NPHP4: variants seen among roughly 807,000 people sequenced by gnomAD.
NPHP4 encodes the protein nephrocystin 4.
A neutral mutation model predicts 155.8 loss-of-function variants in NPHP4; 151 were observed. That is an observed-to-expected ratio of 0.97 (90% CI 0.85 to 1.11). NPHP4 has a LOEUF of 1.11. NPHP4 is among the 50% of genes least tolerant of loss of function. The pLI is 0.00. For missense variants in NPHP4, 1,956 were observed against 1,925.7 expected (o/e 1.02, Z -0.29); for synonymous variants, 845 against 816.8 (o/e 1.03, Z -0.59).
intron 11 of NPHP4, among the ~76,000 whole-genome samples, chr1:5,922,311 G>A (rs1447951013): frequency 6.6e-6 from 1 of 152,212 alleles, no homozygotes; most frequent in Non-Finnish European, 1.5e-5. Flanking sequence ...AGGATAATAA[G>A]CTCCTGTTGC....
Position 5,867,223 on chromosome 1 carries a change from T to A in NPHP4, c.3473-108A>T. Reference sequence around the variant, plus strand: ...GACAGGACAGGCTCGTCACAGGTGCTCAGCAAGACACCTGCTGGGGAAACG... The same window carrying A: ...GACAGGACAGGCTCGTCACAGGTGCACAGCAAGACACCTGCTGGGGAAACG... On this transcript the variant is annotated intron_variant, in intron 24 of 29. Coordinates refer to ENST00000378156, the MANE Select transcript of NPHP4 (RefSeq NM_015102.5). This position sits in a 1 kb window ranked among gnomAD's most constrained non-coding sequence, Gnocchi z 4.1. The A allele has an allele frequency of 2.5e-6, 2 of 786,546 alleles. No individual in the cohort carries two copies. Among genetic ancestry groups the A allele is most frequent in the Non-Finnish European group, 4.1e-6 (2 of 482,136 alleles). 48.7% of individuals were successfully genotyped at this position (786,546 alleles called of 1,614,324 possible). A position where few individuals can be genotyped will look rare whatever the true frequency, so the allele number is the denominator to read the frequency against.
Position 5,892,850 on chromosome 1 carries a change from C to A in NPHP4, c.2144-1822G>T, listed in dbSNP as rs1644203770. Among the ~76,000 whole-genome samples, 2 of 152,124 alleles carry A rather than the reference C, an allele frequency of 1.3e-5. No homozygotes were observed. Among genetic ancestry groups the A allele is most frequent in the Non-Finnish European group, 2.9e-5 (2 of 68,010 alleles). ...TAAGAAGACTCCCAGGGGCAGTGGC[C>A]CTGTCCTCCCCAAGCCCACCTCCTG... On this transcript the variant is annotated intron_variant, in intron 16 of 29. Coordinates refer to ENST00000378156, the MANE Select transcript of NPHP4 (RefSeq NM_015102.5). The surrounding 1 kb of genome is among the most constrained non-coding windows in gnomAD (Gnocchi z 4.5).
intron 12 of NPHP4, 98 bp downstream of exon 12, chr1:5,909,054 C>G: frequency 4.9e-6 from 5 of 1,024,826 alleles, no homozygotes; most frequent in Non-Finnish European, 7.5e-6. Context: ...CACGCAGAAG[C>G]ACGCAGGGAT....
intron 1 of NPHP4, among the ~76,000 whole-genome samples, chr1:5,987,091 C>A (rs929572633): frequency 9.2e-5 from 14 of 152,142 alleles, no homozygotes; most frequent in Admixed American, 3.9e-4. Flanking sequence ...CTCAGTTGGT[C>A]ACCCCACGAC....
chr1:5,920,504 C>T (rs558333236), intron 11 of NPHP4, among the ~76,000 whole-genome samples: 19 of 152,254 alleles, frequency 1.2e-4, no homozygotes, highest in Admixed American at 2.6e-4. Context: ...CTTCCCTCAA[C>T]GCTGCCAACC....
At position 5,890,780 on chromosome 1, in the gene NPHP4, T is replaced by C. The variant is rs1644080646; in HGVS notation, c.2304+88A>G. The C allele has an allele frequency of 1.5e-6, 2 of 1,330,590 alleles. No homozygotes were observed. The highest frequency in any genetic ancestry group is 4.2e-4 in the Middle Eastern group (2 of 4,740). The allele number at this position is 1,330,590 out of a possible 1,614,324, so 82.4% of individuals were successfully genotyped here. ...AAGTCCTGTGCGGGATAGCGCCCGCTCCTTCCAAGCAGACAGACGCTGGAA... is the reference window on the plus strand; with the variant it reads ...AAGTCCTGTGCGGGATAGCGCCCGCCCCTTCCAAGCAGACAGACGCTGGAA... On this transcript the variant is annotated intron_variant, in intron 17 of 29. Coordinates refer to ENST00000378156, the MANE Select transcript of NPHP4 (RefSeq NM_015102.5). This position sits in a 1 kb window ranked among gnomAD's most constrained non-coding sequence, Gnocchi z 4.9.
At chr1:5,870,255 G>A (rs1049343440) in intron 23 of NPHP4, among the ~76,000 whole-genome samples, 21 of 152,344 alleles carry the variant, frequency 1.4e-4, no homozygotes, top group Admixed American at 7.2e-4. Flanking sequence ...TCAACAGGAC[G>A]CAGGAGCTGG....
intron 23 of NPHP4, among the ~76,000 whole-genome samples, chr1:5,872,851 G>A (rs1404038583): frequency 1.3e-5 from 2 of 152,176 alleles, no homozygotes; most frequent in Non-Finnish European, 2.9e-5. Context: ...TACGGCCTTC[G>A]CTTAGCAAGG....
chr1:5,882,892 A>G lies in NPHP4; in HGVS notation c.2486-2653T>C, dbSNP rs1643429056. The G allele has an allele frequency of 6.6e-6, 1 of 152,064 alleles. No individual in the cohort carries two copies. Among genetic ancestry groups the G allele is most frequent in the Non-Finnish European group, 1.5e-5 (1 of 68,076 alleles). 9.4% of individuals were successfully genotyped at this position (152,064 alleles called of 1,614,324 possible). A position where few individuals can be genotyped will look rare whatever the true frequency, so the allele number is the denominator to read the frequency against. On this transcript the variant is annotated intron_variant, in intron 18 of 29. Coordinates refer to ENST00000378156, the MANE Select transcript of NPHP4 (RefSeq NM_015102.5). The surrounding 1 kb of genome is among the most constrained non-coding windows in gnomAD (Gnocchi z 5.1). ...CAGGAATCCGTTTTTGGCCCTGACA[A>G]CTCGTGGTCACAGGATCAAGATCCT...
chr1:5,985,326 C>T (rs748694047), intron 2 of NPHP4, among the ~76,000 whole-genome samples: 3 of 152,248 alleles, frequency 2.0e-5, no homozygotes, highest in African/African-American at 4.8e-5. Flanking sequence ...ACAATCCAAT[C>T]GTGTGGGTGT....
Position 5,915,209 on chromosome 1 carries a change from G to T in NPHP4, c.1442-5996C>A, listed in dbSNP as rs546765941. 4.0e-5 allele frequency among the ~76,000 whole-genome samples: 6 copies of T among 151,664 alleles called. No individual in the cohort carries two copies. The East Asian group carries it at 1.2e-3, about 30-fold the overall frequency. ...GGAAGGCAGGGACGGGCCAGGCCTT[G>T]GGCCTTGGGCCTTGGGCCTTGGGGG... On this transcript the variant is annotated intron_variant, in intron 11 of 29. Transcript: ENST00000378156.
Position 5,927,730 on chromosome 1 carries a change from GTTC to G in NPHP4, c.1357_1359del (p.Glu453del), listed in dbSNP as rs1646080602. 1.2e-6 allele frequency: 2 copies of G among 1,613,558 alleles called. No homozygotes were observed. Among genetic ancestry groups the G allele is most frequent in the Non-Finnish European group, 1.7e-6 (2 of 1,179,568 alleles). ...ACAGGCTCCGTGGGTGCATCCAGGT[GTTC>G]TTCTGAGCCCAGCGAGAACTGGAAC... is the stretch of plus-strand genomic sequence containing the variant. On this transcript the variant is annotated inframe_deletion, in exon 11 of 30. Coordinates refer to ENST00000378156, the MANE Select transcript of NPHP4 (RefSeq NM_015102.5).
intron 2 of NPHP4, among the ~76,000 whole-genome samples, chr1:5,982,096 G>A (rs1654799339): frequency 6.6e-6 from 1 of 151,752 alleles, no homozygotes; most frequent in African/African-American, 2.4e-5. Context: ...AATACTGGTA[G>A]TCTGTGTTTT....
chr1:5,871,461 C>A (rs1641998941), intron 23 of NPHP4, among the ~76,000 whole-genome samples: 1 of 152,192 alleles, frequency 6.6e-6, no homozygotes, highest in Non-Finnish European at 1.5e-5. Flanking sequence ...GGGAATGATT[C>A]TAACATTCAT....
chr1:5,968,591 AC>A (rs1193677414), intron 4 of NPHP4, among the ~76,000 whole-genome samples: 2 of 150,938 alleles, frequency 1.3e-5, no homozygotes, highest in Non-Finnish European at 2.9e-5. Flanking sequence ...ACAGAGCAAG[AC>A]CCTGTCTCGA....
At chr1:5,969,805 C>T (rs1652236314) in intron 3 of NPHP4, among the ~76,000 whole-genome samples, 1 of 152,178 alleles carries the variant, frequency 6.6e-6, no homozygotes, top group Admixed American at 6.5e-5. Context: ...TTTTGAGTTC[C>T]ATCTGAACTG....
At chr1:5,938,873 CCAA>C (rs1394220873) in intron 9 of NPHP4, among the ~76,000 whole-genome samples, 1 of 152,138 alleles carries the variant, frequency 6.6e-6, no homozygotes, top group Non-Finnish European at 1.5e-5. Context: ...GAATCTTCGG[CCAA>C]CAACTGTTAG....
chr1:5,962,666 G>A (rs182453436), intron 5 of NPHP4, among the ~76,000 whole-genome samples: 9 of 152,320 alleles, frequency 5.9e-5, no homozygotes, highest in South Asian at 2.1e-4. Context: ...CATAACGCAC[G>A]GGAGAACTGG....
Position 5,879,971 on chromosome 1 carries a change from C to A in NPHP4, c.2611+143G>T, listed in dbSNP as rs991429356. 9 of 975,424 alleles carry A rather than the reference C, an allele frequency of 9.2e-6. No homozygotes were observed. The African/African-American group carries it at 1.5e-4, about 16-fold the overall frequency. 60.4% of individuals were successfully genotyped at this position (975,424 alleles called of 1,614,324 possible). On this transcript the variant is annotated intron_variant, in intron 19 of 29. Coordinates refer to ENST00000378156, the MANE Select transcript of NPHP4 (RefSeq NM_015102.5). ...ATGGACAGCACAGTCCCGTCCTAGACGCAGAGGGGCACTGACAGCACCACG... is the reference window on the plus strand; with the variant it reads ...ATGGACAGCACAGTCCCGTCCTAGAAGCAGAGGGGCACTGACAGCACCACG...
Sources: allele counts gnomAD v4.1 joint callset (sites outside exome capture counted in the v4.1 genomes callset), GRCh38; gene constraint gnomAD v4.1.1; non-coding constraint Gnocchi (gnomAD v3.1); transcripts MANE v1.5; gene names NCBI Gene and HGNC (gene_info 2026-07-23, HGNC 2026-07-21).